The following HECTD4 variants were observed in gnomAD, a reference collection of about 807,000 sequenced individuals.
HECTD4 encodes probable E3 ubiquitin-protein ligase HECTD4.
Under a neutral mutation model 471.5 loss-of-function variants are expected in HECTD4, and 114 were observed. The observed-to-expected ratio is 0.24, with a 90% CI of 0.21 to 0.28. The LOEUF (loss-of-function observed/expected upper bound fraction) is 0.28. Among genes scored for constraint, HECTD4 ranks in the 10% least tolerant of loss-of-function variants. The pLI, the probability that HECTD4 is intolerant of heterozygous loss-of-function variation, is 1.00. For synonymous variants in HECTD4, 2,012 were observed against 2,256.0 expected (o/e 0.89, Z 3.07); for missense variants, 3,866 against 5,651.5 (o/e 0.68, Z 10.13).
intron 1 of HECTD4, among the ~76,000 whole-genome samples, chr12:112,328,110 CTATT>C (rs58061315): frequency 0.14 from 20,303 of 145,658 alleles, 1,658 homozygotes; most frequent in African/African-American, 0.23. Context: ...CAATGTAAAA[CTATT>C]TATTTATTTA....
intron 43 of HECTD4, 168 bp from the exon 44 acceptor site, chr12:112,226,926 TA>T: frequency 4.1e-6 from 2 of 490,772 alleles, no homozygotes; most frequent in Non-Finnish European, 7.3e-6. Context: ...TGGAAATATA[TA>T]AATAACTTCT....
chr12:112,216,689 C>T, intron 47 of HECTD4, 84 bp downstream of exon 47: 1 of 1,472,190 alleles, frequency 6.8e-7, no homozygotes, highest in Non-Finnish European at 9.3e-7. Context: ...GAAGACAGAA[C>T]TCTATTTTGA....
chr12:112,176,637 T>C lies in HECTD4; in HGVS notation c.11429A>G (p.Asp3810Gly). 6.2e-7 allele frequency: 1 copy of C among 1,614,008 alleles called. No homozygotes were observed. The highest frequency in any genetic ancestry group is 1.1e-5 in the South Asian group (1 of 91,078). The change falls in exon 65 of 76, where the codon GAT becomes GGT. Residue 3810 changes from aspartate (D) to glycine (G), a missense_variant. Asp to Gly is a moderately conservative substitution (Grantham distance 94). Around this residue, in one of 16 missense-constraint regions of HECTD4, gnomAD observed 715 missense variants for 1,087.6 expected, o/e 0.66. Transcript: ENST00000682272. ...KPKSPEKSKP[D>G]EKDPEKSPTK... ...AGGTGACTTTTCTGGGTCCTTTTCATCTGGTTTGCTCTTTTCTGGTGATTT... is the reference window on the plus strand; with the variant it reads ...AGGTGACTTTTCTGGGTCCTTTTCACCTGGTTTGCTCTTTTCTGGTGATTT...
At chr12:112,320,110 G>C (rs748784375) in intron 1 of HECTD4, among the ~76,000 whole-genome samples, 13 of 150,646 alleles carry the variant, frequency 8.6e-5, no homozygotes, top group Non-Finnish European at 1.9e-4. Context: ...TGAGGTGGGT[G>C]GATAGCTTGA....
intron 24 of HECTD4, among the ~76,000 whole-genome samples, 188 bp from the exon 25 acceptor site, chr12:112,250,565 T>TC (rs1368854946): frequency 1.3e-5 from 2 of 151,856 alleles, no homozygotes; most frequent in Non-Finnish European, 2.9e-5. Flanking sequence ...GGGATCTAGC[T>TC]CCCCCCCAAT....
rs2032793695 is a variant in HECTD4, at chr12:112,212,560, C to G, written c.7556G>C (p.Cys2519Ser). The change falls in exon 49 of 76, where the codon TGC becomes TCC. Residue 2519 changes from cysteine to serine, a missense_variant. By Grantham distance (112) the Cys-to-Ser change is moderately radical. Around this residue, in one of 16 missense-constraint regions of HECTD4, gnomAD observed 617 missense variants for 915.1 expected, o/e 0.67. Transcript: ENST00000682272. The part of the protein sequence containing the change: ...PAKGRVYFTY[C>S]GQRLSPYLED... ...AAGATATGGTGAGAGGCGCTGCCCG[C>G]AGTATGTGAAGTACACCCGGCCCTT... The G allele has an allele frequency of 6.2e-7, 1 of 1,613,750 alleles. No homozygotes were observed. The highest frequency in any genetic ancestry group is 1.7e-5 in the Admixed American group (1 of 60,006).
intron 16 of HECTD4, 50 bp from the exon 17 acceptor site, chr12:112,264,262 C>T (rs747858757): frequency 5.8e-5 from 82 of 1,408,982 alleles, no homozygotes; most frequent in Non-Finnish European, 7.3e-5. Flanking sequence ...ACTGAAAGAG[C>T]GATCATGTAA....
chr12:112,185,579 A>G, intron 60 of HECTD4, 86 bp from the exon 61 acceptor site: 1 of 1,020,874 alleles, frequency 9.8e-7, no homozygotes. Context: ...ATCAACCCTC[A>G]TAACAACCCT....
intron 1 of HECTD4, among the ~76,000 whole-genome samples, chr12:112,362,466 C>T (rs1408682791): frequency 6.6e-6 from 1 of 152,084 alleles, no homozygotes; most frequent in Non-Finnish European, 1.5e-5. Flanking sequence ...TCTATGGGAA[C>T]ACAAGGAAGC....
chr12:112,232,714 T>G (rs1178962789), intron 38 of HECTD4, among the ~76,000 whole-genome samples: 1 of 152,206 alleles, frequency 6.6e-6, no homozygotes, highest in Non-Finnish European at 1.5e-5. Context: ...CTCACCTATC[T>G]CAAACTATTT....
rs780044321 is a variant in HECTD4 at position 112,231,602 on chromosome 12, G to A, written c.6111C>T (p.Asn2037=). The change falls in exon 39 of 76, where the codon AAC becomes AAT. Residue 2037 remains asparagine, a synonymous_variant. Transcript: ENST00000682272. ...TGGATAGTCCACTCACAGTCTCTGG[G>A]TTGATAGACTCTACAGGTGGCCCAA... ...VSIGPPVESI[N]PETVSGLSTG... 2 of 1,613,952 alleles carry A rather than the reference G, an allele frequency of 1.2e-6. No individual in the cohort carries two copies. The highest frequency in any genetic ancestry group is 2.2e-5 in the South Asian group (2 of 91,086).
At chr12:112,371,523 C>A (rs750965557) in intron 1 of HECTD4, among the ~76,000 whole-genome samples, 1 of 151,282 alleles carries the variant, frequency 6.6e-6, no homozygotes, top group African/African-American at 2.4e-5. Flanking sequence ...TTTAGTGAGC[C>A]GAGATCACGC....
chr12:112,231,956 G>A (rs908123170), intron 38 of HECTD4, among the ~76,000 whole-genome samples: 11 of 151,950 alleles, frequency 7.2e-5, no homozygotes, highest in Admixed American at 7.2e-4. Context: ...ACAGGGCCCC[G>A]ACACAGACTG....
At chr12:112,290,398 G>A (rs115760404) in intron 7 of HECTD4, among the ~76,000 whole-genome samples, 7 of 152,068 alleles carry the variant, frequency 4.6e-5, no homozygotes, top group South Asian at 2.1e-4. Context: ...GGTGGCGGGC[G>A]CCTGTGGTCC....
At position 112,193,504 on chromosome 12, in the gene HECTD4, A is replaced by G; in HGVS notation, c.8920T>C (p.Leu2974=). The change falls in exon 57 of 76, where the codon TTA becomes CTA. Residue 2974 remains leucine, a synonymous_variant. Coordinates refer to ENST00000682272, the MANE Select transcript of HECTD4 (RefSeq NM_001388303.1). This position sits in a 1 kb window ranked among gnomAD's most constrained non-coding sequence, Gnocchi z 5.2. Reference sequence around the variant, plus strand: ...GAGCAGATCTGTTTCGTCAGCTCTAAAAGGCTCTCCTCGCCCTGGTGCAGG... The same window carrying G: ...GAGCAGATCTGTTTCGTCAGCTCTAGAAGGCTCTCCTCGCCCTGGTGCAGG... ...RTLHQGEESL[L]ELTKQICSFL... 2 of 1,611,580 alleles carry G rather than the reference A, an allele frequency of 1.2e-6. No homozygotes were observed. The highest frequency in any genetic ancestry group is 1.7e-6 in the Non-Finnish European group (2 of 1,178,974).
chr12:112,234,222 GTTC>G (rs1410599151), intron 37 of HECTD4, among the ~76,000 whole-genome samples: 8 of 152,050 alleles, frequency 5.3e-5, no homozygotes, highest in African/African-American at 9.7e-5. Flanking sequence ...CTTTCTAATA[GTTC>G]TTCTTCCCCT....
In HECTD4 at chr12:112,165,558, A is replaced by G. The variant is rs578090099; in HGVS notation, c.12535-1283T>C. The stretch of plus-strand genomic sequence containing the variant: ...AGTAGAGACGGGGTTTCACTGTGTT[A>G]GCCAGGATGGTCTCAATCTCCTGAC... On this transcript the variant is annotated intron_variant, in intron 72 of 75. Transcript: ENST00000682272. Among the ~76,000 whole-genome samples the G allele has an allele frequency of 2.9e-3, 443 of 151,280 alleles. 5 individuals carry two copies. The highest frequency in any genetic ancestry group is 9.7e-3 in the African/African-American group (401 of 41,146).
In HECTD4 at chr12:112,167,461, C is replaced by T. The variant is rs1566057738; in HGVS notation, c.12390G>A (p.Gly4130=). ...QLLHFLGQLL[G]IAIRADVPLP... is the part of the protein sequence containing the mutation. ...GCGGGACGTCTGCCCGAATTGCAAT[C>T]CCCAGCAGCTGCCCCAGGAAGTGCA... Residue 4130 remains glycine (G), a synonymous_variant, in exon 72 of 76, where the codon GGG becomes GGA. Transcript: ENST00000682272. 1.2e-6 allele frequency: 2 copies of T among 1,613,336 alleles called. No individual in the cohort carries two copies. Among genetic ancestry groups the T allele is most frequent in the Admixed American group, 1.7e-5 (1 of 59,954 alleles).
At chr12:112,174,634 G>A (rs768950232) in intron 66 of HECTD4, among the ~76,000 whole-genome samples, 2 of 151,064 alleles carry the variant, frequency 1.3e-5, no homozygotes, top group African/African-American at 2.4e-5. Flanking sequence ...ACACAATCTC[G>A]GCTCACTGCA....
Sources: allele counts gnomAD v4.1 joint callset (sites outside exome capture counted in the v4.1 genomes callset), GRCh38; gene constraint gnomAD v4.1.1; regional missense constraint gnomAD v4.1.1; non-coding constraint Gnocchi (gnomAD v3.1); transcripts MANE v1.5; gene names NCBI Gene and HGNC (gene_info 2026-07-23, HGNC 2026-07-21).